The following ERBB4 variants were observed in gnomAD, a reference collection of about 807,000 sequenced individuals.
The protein encoded by ERBB4 is receptor tyrosine-protein kinase erbB-4.
ERBB4 carries 42 observed loss-of-function variants against 158.0 expected under a neutral mutation model. The ratio of observed to expected loss-of-function variants is 0.27; its 90% confidence interval spans 0.21 to 0.34. The LOEUF (loss-of-function observed/expected upper bound fraction) is 0.34. ERBB4 is among the 10% of genes least tolerant of loss of function. The pLI is 1.00. For synonymous variants in ERBB4, 583 were observed against 558.7 expected, an observed-to-expected ratio of 1.04 and a Z score of -0.61; for missense variants, 1,333 against 1,624.1, an observed-to-expected ratio of 0.82 and a Z score of 3.08.
chr2:212,087,857 G>T (rs2078661846), intron 2 of ERBB4, among the ~76,000 whole-genome samples: 1 of 151,952 alleles, frequency 6.6e-6, no homozygotes. Flanking sequence ...TTGTGACTTT[G>T]GGCAATTTAT....
At chr2:212,071,552 A>G (rs1268557455) in intron 2 of ERBB4, among the ~76,000 whole-genome samples, 1 of 151,998 alleles carries the variant, frequency 6.6e-6, no homozygotes, top group Admixed American at 6.6e-5. Flanking sequence ...ATAATCTTCT[A>G]TCACCATTGA....
chr2:212,095,177 A>G (rs2078893082), intron 2 of ERBB4, among the ~76,000 whole-genome samples: 1 of 152,166 alleles, frequency 6.6e-6, no homozygotes. Context: ...CTAATTTGAG[A>G]TATTTTTTAA....
chr2:211,957,325 A>G (rs1005922782), intron 2 of ERBB4, among the ~76,000 whole-genome samples: 1 of 152,088 alleles, frequency 6.6e-6, no homozygotes, highest in Non-Finnish European at 1.5e-5. Context: ...ACCATGAGAA[A>G]ACACAGAGAG....
chr2:212,452,494 A>G lies in ERBB4; in HGVS notation c.82+85955T>C, dbSNP rs189819147. 8.9e-3 allele frequency among the ~76,000 whole-genome samples: 1,363 copies of G among 152,308 alleles called. 22 individuals are homozygous for G. The highest frequency in any genetic ancestry group is 0.031 in the African/African-American group (1,305 of 41,562). On this transcript the variant is annotated intron_variant, in intron 1 of 27. Coordinates refer to ENST00000342788, the MANE Select transcript of ERBB4 (RefSeq NM_005235.3). ...AGCTTTCCTGGCCAATATATAAGTC[A>G]GTGAAATTTAATGGTAGCTCAGGAC...
intron 2 of ERBB4, among the ~76,000 whole-genome samples, chr2:211,993,344 G>A (rs2082124132): frequency 6.6e-6 from 1 of 152,174 alleles, no homozygotes; most frequent in Non-Finnish European, 1.5e-5. Context: ...TGCCAGCCAA[G>A]GAGAGACGCC....
At chr2:211,677,973 C>T (rs2072152667) in intron 13 of ERBB4, among the ~76,000 whole-genome samples, 1 of 152,042 alleles carries the variant, frequency 6.6e-6, no homozygotes, top group Non-Finnish European at 1.5e-5. Context: ...ACTAAAAATA[C>T]ATTATAACAT....
intron 3 of ERBB4, among the ~76,000 whole-genome samples, chr2:211,911,726 G>T (rs913268642): frequency 6.6e-6 from 1 of 151,290 alleles, no homozygotes; most frequent in Non-Finnish European, 1.5e-5. Flanking sequence ...CAGAAACAGC[G>T]ATTGGTGGTT....
chr2:212,259,757 G>C (rs746728758), intron 1 of ERBB4, among the ~76,000 whole-genome samples: 8 of 152,038 alleles, frequency 5.3e-5, no homozygotes, highest in Non-Finnish European at 1.2e-4. Flanking sequence ...CCGATGGAAA[G>C]AATAACAGAG....
intron 20 of ERBB4, among the ~76,000 whole-genome samples, chr2:211,474,638 G>C (rs997439772): frequency 5.3e-5 from 8 of 151,966 alleles, no homozygotes; most frequent in Non-Finnish European, 1.0e-4. Context: ...CCAATATGTT[G>C]ATTTTGATAC....
intron 17 of ERBB4, 130 bp downstream of exon 17, chr2:211,630,332 C>T (rs2070057279): frequency 1.9e-6 from 2 of 1,044,584 alleles, no homozygotes; most frequent in Non-Finnish European, 2.9e-6. Flanking sequence ...GTTTAACGGA[C>T]TATAAAATAA....
chr2:211,976,097 G>A (rs991791290), intron 2 of ERBB4, among the ~76,000 whole-genome samples: 1 of 151,798 alleles, frequency 6.6e-6, no homozygotes. Context: ...TTCTTCTATT[G>A]TTGAAATTAA....
At position 211,722,443 on chromosome 2, in the gene ERBB4, T is replaced by C. The variant is rs1254584225; in HGVS notation, c.833A>G (p.Asn278Ser). 1.2e-6 allele frequency: 2 copies of C among 1,613,828 alleles called. No individual in the cohort carries two copies. The highest frequency in any genetic ancestry group is 1.3e-5 in the African/African-American group (1 of 74,912). ...TCCATATGTGTACTTTGCATTGAAA[T>C]TGTGCTCCAGTTGAAAGGTGGTTGG... ...YNPTTFQLEHNFNAKYTYGAF... is the reference protein window; with the variant it reads ...YNPTTFQLEHSFNAKYTYGAF... The change falls in exon 7 of 28, where the codon AAT (asparagine) becomes AGT (serine). Residue 278 changes from asparagine (N) to serine (S), a missense_variant. Physicochemically the swap from Asn to Ser is conservative, Grantham distance 46 (BLOSUM62 1). Transcript: ENST00000342788.
intron 2 of ERBB4, among the ~76,000 whole-genome samples, chr2:212,090,772 T>G (rs1015754009): frequency 6.6e-6 from 1 of 152,170 alleles, no homozygotes; most frequent in Non-Finnish European, 1.5e-5. Context: ...CATCAACATG[T>G]CAGCTAACTG....
chr2:211,501,639 T>C (rs532838433), intron 20 of ERBB4, among the ~76,000 whole-genome samples: 61 of 152,210 alleles, frequency 4.0e-4, no homozygotes, highest in African/African-American at 1.4e-3. Context: ...TATGAACATA[T>C]TGTATTTATC....
chr2:212,275,077 C>A (rs139430408), intron 1 of ERBB4, among the ~76,000 whole-genome samples: 11,218 of 151,986 alleles, frequency 0.074, 467 homozygotes, highest in Non-Finnish European at 0.096. Context: ...CCAGCTTCAT[C>A]CATGTCCCTG....
chr2:212,245,201 A>C (rs747426557), intron 1 of ERBB4, among the ~76,000 whole-genome samples: 8 of 150,142 alleles, frequency 5.3e-5, no homozygotes, highest in Non-Finnish European at 7.5e-5. Flanking sequence ...AAAAGAGTTG[A>C]AAAAAAAAGT....
intron 3 of ERBB4, among the ~76,000 whole-genome samples, chr2:211,894,811 T>C (rs2079058884): frequency 6.6e-6 from 1 of 152,096 alleles, no homozygotes; most frequent in Admixed American, 6.6e-5. Flanking sequence ...GGGGAAAAGG[T>C]GTATTTGATA....
At chr2:212,028,102 C>T (rs182829173) in intron 2 of ERBB4, among the ~76,000 whole-genome samples, 3 of 152,180 alleles carry the variant, frequency 2.0e-5, no homozygotes, top group East Asian at 3.9e-4. Context: ...AATGCCAACA[C>T]TTCCTTCAAT....
intron 20 of ERBB4, among the ~76,000 whole-genome samples, chr2:211,456,499 C>T (rs553627325): frequency 6.6e-6 from 1 of 152,116 alleles, no homozygotes; most frequent in South Asian, 2.1e-4. Context: ...CTCATTTATT[C>T]AACATTCAAA....
Sources: gnomAD v4.1 joint callset for allele counts (sites outside exome capture counted in the v4.1 genomes callset) on GRCh38, gnomAD v4.1.1 for gene constraint, MANE v1.5 for transcripts, NCBI Gene and HGNC (gene_info 2026-07-23, HGNC 2026-07-21) for gene names.